Variants in UBQLN4 observed in about 807,000 individuals in gnomAD.
UBQLN4 encodes the protein ubiquilin-4.
UBQLN4 carries 11 observed loss-of-function variants against 60.4 expected under a neutral mutation model. The ratio of observed to expected loss-of-function variants is 0.18; its 90% CI spans 0.11 to 0.30. The LOEUF is 0.30. Ranked by LOEUF, UBQLN4 falls within the 10% of genes least tolerant of loss-of-function variation. The pLI, the probability that UBQLN4 is intolerant of heterozygous loss-of-function variation, is 1.00. For missense variants in UBQLN4, 417 were observed against 795.5 expected, an observed-to-expected ratio of 0.52 and a Z score of 5.72; for synonymous variants, 258 against 313.1, an observed-to-expected ratio of 0.82 and a Z score of 1.86.
intron 10 of UBQLN4, among the ~76,000 whole-genome samples, chr1:156,041,116 TGTAA>T (rs1456373469): frequency 1.3e-5 from 2 of 152,216 alleles, no homozygotes; most frequent in African/African-American, 4.8e-5. Flanking sequence ...CTACTAGCTA[TGTAA>T]GTGAGTAAGC....
At chr1:156,044,459 G>A (rs1683648460) in intron 5 of UBQLN4, among the ~76,000 whole-genome samples, 1 of 152,034 alleles carries the variant, frequency 6.6e-6, no homozygotes, top group South Asian at 2.1e-4. Context: ...CAGATAATTG[G>A]AAACTTCCCA....
At chr1:156,043,465 C>T (rs1045346698) in intron 6 of UBQLN4, among the ~76,000 whole-genome samples, 5 of 152,132 alleles carry the variant, frequency 3.3e-5, no homozygotes, top group African/African-American at 1.2e-4. Flanking sequence ...AACTAAAACA[C>T]ACAGAGGGAA....
chr1:156,049,440 G>C (rs1044010961), intron 4 of UBQLN4, among the ~76,000 whole-genome samples: 3 of 152,158 alleles, frequency 2.0e-5, no homozygotes, highest in African/African-American at 4.8e-5. Context: ...TCAACCCCGG[G>C]GGAGTTCATC....
intron 6 of UBQLN4, among the ~76,000 whole-genome samples, 169 bp from the exon 7 acceptor site, chr1:156,043,082 T>C (rs1437869822): frequency 1.3e-5 from 2 of 152,180 alleles, no homozygotes; most frequent in African/African-American, 4.8e-5. Context: ...CTCTCCCAAG[T>C]CCAAGGTCAT....
chr1:156,042,353 G>A (rs922858726), intron 7 of UBQLN4, 117 bp from the exon 8 acceptor site: 60 of 1,444,156 alleles, frequency 4.2e-5, no homozygotes, highest in Non-Finnish European at 5.1e-5. Context: ...CAGCTTCTCC[G>A]GGGATCTCAA....
At chr1:156,042,106 G>A (rs1428834055) in intron 8 of UBQLN4, 47 bp downstream of exon 8, 4 of 1,608,704 alleles carry the variant, frequency 2.5e-6, no homozygotes, top group South Asian at 2.2e-5. Context: ...GGGCTTCAGG[G>A]ACTACCCCTT....
chr1:156,050,411 A>G lies in UBQLN4; in HGVS notation c.621T>C (p.Asp207=), dbSNP rs1450381792. The part of the protein sequence containing the change: ...SQIMENPLVQ[D]MMSNPDLMRH... ...GCATCAGATCAGGGTTAGACATCAT[A>G]TCCTGGACCAGGGGGTTCTCCATGA... is the stretch of plus-strand genomic sequence containing the variant. Residue 207 remains aspartate, a synonymous_variant, in exon 4 of 11, where the codon GAT becomes GAC. Transcript: ENST00000368309. The surrounding 1 kb of genome is among the most constrained non-coding windows in gnomAD (Gnocchi z 4.6). The G allele has an allele frequency of 6.2e-7, 1 of 1,614,134 alleles. No individual in the cohort carries two copies. Among genetic ancestry groups the G allele is most frequent in the Admixed American group, 1.7e-5 (1 of 60,032 alleles).
At chr1:156,034,200 C>T (rs1447327613), downstream of UBQLN4, among the ~76,000 whole-genome samples, 2 of 151,500 alleles carry the variant, frequency 1.3e-5, no homozygotes, top group South Asian at 2.1e-4. Context: ...CTCAAACTTA[C>T]ATGATTAGTG....
intron 10 of UBQLN4, among the ~76,000 whole-genome samples, chr1:156,040,146 C>T (rs1451350089): frequency 6.6e-6 from 1 of 151,822 alleles, no homozygotes; most frequent in Non-Finnish European, 1.5e-5. Flanking sequence ...ATAATCCCAG[C>T]ACTTTGGGAG....
chr1:156,032,150 G>C (rs1405510867), downstream of UBQLN4, among the ~76,000 whole-genome samples: 1 of 150,908 alleles, frequency 6.6e-6, no homozygotes, highest in Admixed American at 6.6e-5. Context: ...TTACAGGCAC[G>C]TGCCACCACG....
intron 1 of UBQLN4, 56 bp downstream of exon 1, chr1:156,053,538 C>T (rs1372123944): frequency 8.5e-7 from 1 of 1,173,290 alleles, no homozygotes; most frequent in Non-Finnish European, 1.1e-6. Context: ...AGAGGCCCCC[C>T]ATCTCTTCGC....
intron 10 of UBQLN4, among the ~76,000 whole-genome samples, chr1:156,040,693 C>T (rs931950584): frequency 6.6e-6 from 1 of 151,994 alleles, no homozygotes; most frequent in Non-Finnish European, 1.5e-5. Context: ...ACCTCGTGAT[C>T]CGCCCGCCTC....
intron 5 of UBQLN4, among the ~76,000 whole-genome samples, chr1:156,047,465 G>C (rs1434133114): frequency 6.6e-6 from 1 of 151,230 alleles, no homozygotes; most frequent in South Asian, 2.1e-4. Context: ...GGATGGTCTC[G>C]ATCTCCTGAC....
intron 4 of UBQLN4, among the ~76,000 whole-genome samples, chr1:156,049,225 T>C (rs1159337020): frequency 6.6e-6 from 1 of 152,166 alleles, no homozygotes; most frequent in African/African-American, 2.4e-5. Context: ...CAAAGCCAGG[T>C]TGGTTGGTCT....
At chr1:156,042,430 T>G (rs1168225557) in intron 7 of UBQLN4, 194 bp from the exon 8 acceptor site, 1 of 1,411,636 alleles carries the variant, frequency 7.1e-7, no homozygotes, top group African/African-American at 1.4e-5. Context: ...ATGAAGAGTA[T>G]GAGGAGTCAG....
chr1:156,042,005 G>A lies in UBQLN4; in HGVS notation c.1351-18C>T. The A allele has an allele frequency of 6.2e-7, 1 of 1,613,946 alleles. No individual in the cohort carries two copies. The highest frequency in any genetic ancestry group is 1.1e-5 in the South Asian group (1 of 91,048). Reference sequence around the variant, plus strand: ...TTCTGCATCTGGTGGGAAATAAGCAGAGAAAGGCATCAAGAGGTGGCAGGA... The same window carrying A: ...TTCTGCATCTGGTGGGAAATAAGCAAAGAAAGGCATCAAGAGGTGGCAGGA... On this transcript the variant is annotated intron_variant, in intron 8 of 10. Transcript: ENST00000368309.
In UBQLN4 at chr1:156,048,608, G is replaced by C. The variant is rs1343971634; in HGVS notation, c.793C>G (p.Gln265Glu). Reference protein sequence around the residue: ...PAMMQEMMRNQDRALSNLESI... With the variant: ...PAMMQEMMRNEDRALSNLESI... Reference sequence around the variant, plus strand: ...TCAAGGTTGCTCAGGGCCCGGTCCTGGTTCCGCATCATCTCTTGCATCATG... The same window carrying C: ...TCAAGGTTGCTCAGGGCCCGGTCCTCGTTCCGCATCATCTCTTGCATCATG... The change falls in exon 5 of 11, where the codon CAG (glutamine) becomes GAG (glutamate). Residue 265 changes from glutamine to glutamate, a missense_variant. By Grantham distance (29) the Gln-to-Glu change is conservative. Coordinates refer to ENST00000368309, the MANE Select transcript of UBQLN4 (RefSeq NM_020131.5). The surrounding 1 kb of genome is among the most constrained non-coding windows in gnomAD (Gnocchi z 4.9). 6.2e-7 allele frequency: 1 copy of C among 1,613,980 alleles called. No individual in the cohort carries two copies. The highest frequency in any genetic ancestry group is 8.5e-7 in the Non-Finnish European group (1 of 1,179,964).
chr1:156,051,352 T>TCCTTTG, intron 2 of UBQLN4, 25 bp from the exon 3 acceptor site: 1 of 1,550,326 alleles, frequency 6.5e-7, no homozygotes. Flanking sequence ...AGGAGAATCC[T>TCCTTTG]GTTGGAGTGA....
In UBQLN4 at chr1:156,042,514, C is replaced by T. The variant is rs545265462; in HGVS notation, c.1266+260G>A. 185 of 1,213,842 alleles carry T rather than the reference C, an allele frequency of 1.5e-4. No individual in the cohort carries two copies. In the South Asian group the frequency reaches 1.6e-3, roughly 11 times the overall value. The allele number at this position is 1,213,842 out of a possible 1,614,324, so 75.2% of individuals were successfully genotyped here. ...GGTATACAGAACTTACTCTGTCACA[C>T]GCCATGTTCTAAGCACTTAACGTGT... On this transcript the variant is annotated intron_variant, in intron 7 of 10. Transcript: ENST00000368309.
Sources: gnomAD v4.1 joint callset for allele counts (sites outside exome capture counted in the v4.1 genomes callset) on GRCh38, gnomAD v4.1.1 for gene constraint, Gnocchi (gnomAD v3.1) non-coding constraint, MANE v1.5 for transcripts, NCBI Gene and HGNC (gene_info 2026-07-23, HGNC 2026-07-21) for gene names.